Variants in ABCA13 observed in about 807,000 individuals in gnomAD.
ABCA13 encodes the protein ATP-binding cassette sub-family A member 13.
ABCA13 carries 476 observed loss-of-function variants against 478.7 expected under a neutral mutation model. The ratio of observed to expected loss-of-function variants is 0.99; its 90% confidence interval spans 0.92 to 1.07. ABCA13 has a LOEUF of 1.07. Ranked by LOEUF, ABCA13 falls within the 50% of genes least tolerant of loss-of-function variation. The pLI is 0.00. For missense variants in ABCA13, 6,060 were observed against 5,910.6 expected (o/e 1.03, Z -0.83); for synonymous variants, 2,252 against 2,158.9 (o/e 1.04, Z -1.20).
chr7:48,431,746 G>C (rs1214813082), intron 42 of ABCA13, among the ~76,000 whole-genome samples: 1 of 151,912 alleles, frequency 6.6e-6, no homozygotes, highest in Non-Finnish European at 1.5e-5. Context: ...ATCTTTTATA[G>C]TCTTCTTTCC....
At chr7:48,440,625 T>C (rs1218176206) in intron 42 of ABCA13, among the ~76,000 whole-genome samples, 1 of 152,032 alleles carries the variant, frequency 6.6e-6, no homozygotes, top group African/African-American at 2.4e-5. Context: ...TCGAATTTAA[T>C]GAAACTATGA....
In ABCA13 at chr7:48,643,343, T is replaced by G. The variant is rs1295998225; in HGVS notation, c.14893T>G (p.Cys4965Gly). Reference protein sequence around the residue: ...VWLCKEANQHCTVSDHLKLYF... With the variant: ...VWLCKEANQHGTVSDHLKLYF... ...GCTCTGTAAGGAAGCAAATCAACAT[T>G]GCACTGTTTCTGACCACTTGAAGCT... Residue 4965 changes from cysteine (C) to glycine (G), a missense_variant, in exon 60 of 62, where the codon TGC becomes GGC. Cys to Gly is a radical substitution (Grantham distance 159). Around this residue, in one of 3 missense-constraint regions of ABCA13, gnomAD observed 1,627 missense variants for 1,571.0 expected, o/e 1.04. Coordinates refer to ENST00000435803, the MANE Select transcript of ABCA13 (RefSeq NM_152701.5). 4 of 1,613,772 alleles carry G rather than the reference T, an allele frequency of 2.5e-6. No homozygotes were observed.
chr7:48,239,478 G>T, intron 9 of ABCA13, 73 bp downstream of exon 9: 6 of 1,469,530 alleles, frequency 4.1e-6, no homozygotes, highest in Non-Finnish European at 5.4e-6. Context: ...CTCCTCCCCT[G>T]CCCTGCCATG....
chr7:48,516,577 T>G, intron 51 of ABCA13, 148 bp from the exon 52 acceptor site: 1 of 736,154 alleles, frequency 1.4e-6, no homozygotes, highest in East Asian at 2.5e-5. Flanking sequence ...ATAGGTTGTA[T>G]GTATGGGGAA....
intron 43 of ABCA13, among the ~76,000 whole-genome samples, chr7:48,456,575 A>G (rs996997836): frequency 6.6e-6 from 1 of 152,240 alleles, no homozygotes; most frequent in African/African-American, 2.4e-5. Flanking sequence ...TAATACTTGT[A>G]TCTACATGCA....
At chr7:48,502,045 T>C (rs1830797892) in intron 48 of ABCA13, among the ~76,000 whole-genome samples, 1 of 152,228 alleles carries the variant, frequency 6.6e-6, no homozygotes, top group Admixed American at 6.5e-5. Flanking sequence ...TAAAAGAATC[T>C]ATAATTCTAA....
intron 1 of ABCA13, among the ~76,000 whole-genome samples, chr7:48,191,348 C>T (rs1797080025): frequency 6.6e-6 from 1 of 152,222 alleles, no homozygotes; most frequent in African/African-American, 2.4e-5. Context: ...AATCATGATG[C>T]ACTTTTTGTC....
intron 35 of ABCA13, among the ~76,000 whole-genome samples, chr7:48,381,652 C>G (rs1563158090): frequency 6.6e-6 from 1 of 152,144 alleles, no homozygotes; most frequent in African/African-American, 2.4e-5. Context: ...TTATATGCTT[C>G]CAATTAAATT....
intron 15 of ABCA13, among the ~76,000 whole-genome samples, chr7:48,265,234 G>T (rs1188627859): frequency 3.3e-5 from 5 of 150,862 alleles, no homozygotes; most frequent in African/African-American, 1.2e-4. Context: ...CTTTAATTTT[G>T]TTCTTTTTTT....
At chr7:48,381,471 ACC>A (rs1585088400) in intron 35 of ABCA13, among the ~76,000 whole-genome samples, 1 of 151,918 alleles carries the variant, frequency 6.6e-6, no homozygotes, top group East Asian at 1.9e-4. Context: ...TGTGAGTATG[ACC>A]CCAGCATTTC....
At chr7:48,242,837 C>T (rs909486760) in intron 10 of ABCA13, among the ~76,000 whole-genome samples, 5 of 152,332 alleles carry the variant, frequency 3.3e-5, no homozygotes, top group East Asian at 1.9e-4. Flanking sequence ...AACCCCATCC[C>T]TTTTTCACTA....
chr7:48,546,767 A>C (rs1784852228), intron 55 of ABCA13, among the ~76,000 whole-genome samples: 3 of 151,724 alleles, frequency 2.0e-5, no homozygotes. Context: ...TAATACTTAA[A>C]AATTTATGTA....
At chr7:48,515,335 G>A (rs1358641472) in intron 51 of ABCA13, among the ~76,000 whole-genome samples, 2 of 152,316 alleles carry the variant, frequency 1.3e-5, no homozygotes, top group Non-Finnish European at 2.9e-5. Flanking sequence ...CGTTCAAAGT[G>A]TACTTCCTTT....
At chr7:48,560,714 C>T (rs948843745) in intron 55 of ABCA13, among the ~76,000 whole-genome samples, 8 of 152,260 alleles carry the variant, frequency 5.3e-5, no homozygotes, top group South Asian at 2.1e-4. Flanking sequence ...GCATATTAGA[C>T]GGTTACTTTC....
chr7:48,402,225 G>C (rs1317964911), intron 38 of ABCA13, among the ~76,000 whole-genome samples: 1 of 152,198 alleles, frequency 6.6e-6, no homozygotes, highest in Non-Finnish European at 1.5e-5. Flanking sequence ...GTTTGGGGTT[G>C]AACACAGAAA....
intron 1 of ABCA13, among the ~76,000 whole-genome samples, chr7:48,181,972 C>A (rs1795751850): frequency 6.6e-6 from 1 of 152,022 alleles, no homozygotes; most frequent in Admixed American, 6.6e-5. Context: ...TTCCTCACTC[C>A]CTGGAGTCAT....
rs927476817 is a variant in ABCA13, at chr7:48,472,925, TG to T, written c.12975+1329del. ...CTGCTGATAAAGGTGTACCCAAGAC[TG>T]GGCAATTAACAGAAGAAAGAGGTTT... On this transcript the variant is annotated intron_variant, in intron 45 of 61. Transcript: ENST00000435803. Among the ~76,000 whole-genome samples, 24 of 152,288 alleles carry T rather than the reference TG, an allele frequency of 1.6e-4. 1 individual carries two copies. The highest frequency in any genetic ancestry group is 5.5e-4 in the African/African-American group (23 of 41,568).
In ABCA13 at chr7:48,563,832, G is replaced by GTGTGTT. The variant is rs1554569023; in HGVS notation, c.14355-16387_14355-16386insTTGTGT. Among the ~76,000 whole-genome samples the GTGTGTT allele has an allele frequency of 3.3e-3, 250 of 76,804 alleles. 2 individuals are homozygous for GTGTGTT. Among genetic ancestry groups the GTGTGTT allele is most frequent in the African/African-American group, 0.017 (236 of 13,996 alleles). The allele number at this position is 76,804 out of a possible 152,430, so 50.4% of individuals were successfully genotyped here. A position where few individuals can be genotyped will look rare whatever the true frequency, so the allele number is the denominator to read the frequency against. ...TGTGTGTGTGTGTGTGTGTGTGTGT[G>GTGTGTT]TGTGTGTTTTGCATGGCCTCATCTT... On this transcript the variant is annotated intron_variant, in intron 55 of 61. Coordinates refer to ENST00000435803, the MANE Select transcript of ABCA13 (RefSeq NM_152701.5).
rs191307492 is a variant in ABCA13, at chr7:48,252,600, A to G, written c.2005+3249A>G. Among the ~76,000 whole-genome samples the G allele has an allele frequency of 7.4e-4, 113 of 152,332 alleles. 1 individual carries two copies. The highest frequency in any genetic ancestry group is 2.7e-3 in the African/African-American group (112 of 41,586). On this transcript the variant is annotated intron_variant, in intron 15 of 61. Coordinates refer to ENST00000435803, the MANE Select transcript of ABCA13 (RefSeq NM_152701.5). ...TAACAGAAAGGTAAGGTAAAAATAT[A>G]CGATTATAATCTTACGGGACCAAGC...
Sources: gnomAD v4.1 joint callset for allele counts (sites outside exome capture counted in the v4.1 genomes callset) on GRCh38, gnomAD v4.1.1 for gene constraint, gnomAD v4.1.1 regional missense constraint, MANE v1.5 for transcripts, NCBI Gene and HGNC (gene_info 2026-07-23, HGNC 2026-07-21) for gene names.